OTUD6A: variants seen among roughly 807,000 people sequenced by gnomAD.
OTUD6A encodes the protein OTU deubiquitinase 6A.
For synonymous variants in OTUD6A, 138 were observed against 120.2 expected, an observed-to-expected ratio of 1.15 and a Z score of -0.97; for missense variants, 209 against 268.2, an observed-to-expected ratio of 0.78 and a Z score of 1.54.
At position 70,064,136 on chromosome X, in the gene OTUD6A, G is replaced by A. The variant is rs4844103; in HGVS notation, c.*745G>A. On this transcript the variant is annotated 3_prime_UTR_variant, in exon 1 of 1. Transcript: ENST00000338352. Reference sequence around the variant, plus strand: ...GCGGAGGCTGCAGTGGGCCGGGATCGTACTACTGCACTCCAGCATGGAAGA... The same window carrying A: ...GCGGAGGCTGCAGTGGGCCGGGATCATACTACTGCACTCCAGCATGGAAGA... The A allele has an allele frequency of 0.49, 52,739 of 106,943 alleles. 10,343 individuals carry two copies. Among genetic ancestry groups the A allele is most frequent in the Non-Finnish European group, 0.6 (31,055 of 51,739 alleles). The allele number at this position is 106,943 out of a possible 1,213,427, so 8.8% of individuals were successfully genotyped here.
Position 70,062,739 on chromosome X carries a change from T to C in OTUD6A, c.215T>C (p.Ile72Thr). 3 of 1,209,914 alleles carry C rather than the reference T, an allele frequency of 2.5e-6. No individual in the cohort carries two copies. Among genetic ancestry groups the C allele is most frequent in the Non-Finnish European group, 2.2e-6 (2 of 894,712 alleles). The change falls in exon 1 of 1, where the codon ATT (isoleucine) becomes ACT (threonine). Residue 72 changes from isoleucine to threonine, a missense_variant. Coordinates refer to ENST00000338352, the MANE Select transcript of OTUD6A (RefSeq NM_207320.3). Reference protein sequence around the residue: ...ELEKFQDDSSIESVVEDLAKM... With the variant: ...ELEKFQDDSSTESVVEDLAKM... Reference sequence around the variant, plus strand: ...GAGAAGTTCCAAGACGACAGTAGCATTGAATCTGTCGTCGAAGACCTGGCC... The same window carrying C: ...GAGAAGTTCCAAGACGACAGTAGCACTGAATCTGTCGTCGAAGACCTGGCC...
At position 70,063,386 on chromosome X, in the gene OTUD6A, C is replaced by T. The variant is rs145794018; in HGVS notation, c.862C>T (p.Leu288=). The change falls in exon 1 of 1, where the codon CTG becomes TTG. Residue 288 remains leucine, a synonymous_variant. Coordinates refer to ENST00000338352, the MANE Select transcript of OTUD6A (RefSeq NM_207320.3). ...GAAGGVLPRL[L] is the part of the protein sequence containing the mutation. ...CGCCGGGGGCGTGCTCCCGCGTCTC[C>T]TGTAGGCCCCAAGGCGCTGAGCAGC... The T allele has an allele frequency of 1.9e-4, 225 of 1,185,676 alleles. 1 individual carries two copies. The African/African-American group carries it at 3.6e-3, about 19-fold the overall frequency.
rs1330272429 is a variant in OTUD6A, at chrX:70,063,550, T to G, written c.*159T>G. On this transcript the variant is annotated 3_prime_UTR_variant, in exon 1 of 1. Transcript: ENST00000338352. ...CCCGCCCCCGCTTTCCTAACCTTGC[T>G]GCTTTCACAGGGTGGGAAACGAAAT... The G allele has an allele frequency of 7.1e-6, 5 of 704,362 alleles. No individual in the cohort carries two copies. Among genetic ancestry groups the G allele is most frequent in the Non-Finnish European group, 1.0e-5 (5 of 496,565 alleles). 58.0% of individuals were successfully genotyped at this position (704,362 alleles called of 1,213,427 possible). A position where few individuals can be genotyped will look rare whatever the true frequency, so the allele number is the denominator to read the frequency against.
rs753958994 is a variant in OTUD6A, at chrX:70,063,421, C to T, written c.*30C>T. On this transcript the variant is annotated 3_prime_UTR_variant, in exon 1 of 1. Transcript: ENST00000338352. ...CAAGGCGCTGAGCAGCCCCGGGAAA[C>T]TGTCGCCGTCGCCGCATCTCCTCAG... 2 of 1,143,133 alleles carry T rather than the reference C, an allele frequency of 1.7e-6. No homozygotes were observed. The highest frequency in any genetic ancestry group is 6.2e-5 in the East Asian group (2 of 32,058). The allele number at this position is 1,143,133 out of a possible 1,213,427, so 94.2% of individuals were successfully genotyped here.
Position 70,062,545 on chromosome X carries a change from A to G in OTUD6A, c.21A>G (p.Glu7=). Residue 7 remains glutamate (E), a synonymous_variant, in exon 1 of 1, where the codon GAA becomes GAG. Coordinates refer to ENST00000338352, the MANE Select transcript of OTUD6A (RefSeq NM_207320.3). MDDPKS[E]QQRILRRHQR... is the part of the protein sequence containing the mutation. ...ACATCATGGATGATCCGAAGAGTGA[A>G]CAGCAGCGCATACTGCGCCGCCACC... is the stretch of plus-strand genomic sequence containing the variant. 8.3e-7 allele frequency: 1 copy of G among 1,207,371 alleles called. No individual in the cohort carries two copies. Among genetic ancestry groups the G allele is most frequent in the Non-Finnish European group, 1.1e-6 (1 of 893,681 alleles).
rs1333251724 is a variant in OTUD6A at position 70,063,437 on chromosome X, A to C, written c.*46A>C. On this transcript the variant is annotated 3_prime_UTR_variant, in exon 1 of 1. Coordinates refer to ENST00000338352, the MANE Select transcript of OTUD6A (RefSeq NM_207320.3). ...CCCGGGAAACTGTCGCCGTCGCCGCATCTCCTCAGTAGGCTCAGTTTATTT... is the reference window on the plus strand; with the variant it reads ...CCCGGGAAACTGTCGCCGTCGCCGCCTCTCCTCAGTAGGCTCAGTTTATTT... 8.9e-7 allele frequency: 1 copy of C among 1,118,706 alleles called. No homozygotes were observed. Among genetic ancestry groups the C allele is most frequent in the African/African-American group, 1.8e-5 (1 of 54,512 alleles). The allele number at this position is 1,118,706 out of a possible 1,213,427, so 92.2% of individuals were successfully genotyped here.
chrX:70,063,166 G>A lies in OTUD6A; in HGVS notation c.642G>A (p.Thr214=). The change falls in exon 1 of 1, where the codon ACG becomes ACA. Residue 214 remains threonine (T), a synonymous_variant. Coordinates refer to ENST00000338352, the MANE Select transcript of OTUD6A (RefSeq NM_207320.3). ...MIYCDNIVRT[T]AWGGQLELRA... is the part of the protein sequence containing the mutation. ...ACTGCGACAACATCGTGCGCACCAC[G>A]GCATGGGGAGGCCAGCTGGAGCTGA... 4 of 1,211,257 alleles carry A rather than the reference G, an allele frequency of 3.3e-6. No individual in the cohort carries two copies. The highest frequency in any genetic ancestry group is 3.0e-5 in the East Asian group (1 of 33,818).
In OTUD6A at chrX:70,062,566, C is replaced by T; in HGVS notation, c.42C>T (p.Arg14=). ...PKSEQQRILR[R]HQRERQELQA... is the part of the protein sequence containing the mutation. ...GTGAACAGCAGCGCATACTGCGCCG[C>T]CACCAACGCGAGAGGCAGGAGCTGC... Residue 14 remains arginine, a synonymous_variant, in exon 1 of 1, where the codon CGC becomes CGT. Transcript: ENST00000338352. The T allele has an allele frequency of 8.3e-7, 1 of 1,209,304 alleles. No individual in the cohort carries two copies. Among genetic ancestry groups the T allele is most frequent in the Non-Finnish European group, 1.1e-6 (1 of 894,274 alleles).
chrX:70,063,149 A>G lies in OTUD6A; in HGVS notation c.625A>G (p.Asn209Asp). 1 of 1,211,294 alleles carries G rather than the reference A, an allele frequency of 8.3e-7. No homozygotes were observed. Among genetic ancestry groups the G allele is most frequent in the Non-Finnish European group, 1.1e-6 (1 of 895,485 alleles). The change falls in exon 1 of 1, where the codon AAC becomes GAC. Residue 209 changes from asparagine (N) to aspartate (D), a missense_variant. Asn to Asp is a conservative substitution (Grantham distance 23). Coordinates refer to ENST00000338352, the MANE Select transcript of OTUD6A (RefSeq NM_207320.3). The stretch of plus-strand genomic sequence containing the variant: ...CGACGACTTCATGATCTACTGCGAC[A>G]ACATCGTGCGCACCACGGCATGGGG... ...GYDDFMIYCDNIVRTTAWGGQ... is the reference protein window; with the variant it reads ...GYDDFMIYCDDIVRTTAWGGQ...
chrX:70,063,211 G>T lies in OTUD6A; in HGVS notation c.687G>T (p.Leu229=). 8.3e-7 allele frequency: 1 copy of T among 1,211,687 alleles called. No homozygotes were observed. Residue 229 remains leucine (L), a synonymous_variant, in exon 1 of 1, where the codon CTG becomes CTT. Coordinates refer to ENST00000338352, the MANE Select transcript of OTUD6A (RefSeq NM_207320.3). The stretch of plus-strand genomic sequence containing the variant: ...AGCTGAGGGCCCTGTCGCACGTCCT[G>T]AAGACCCCCATCGAGGTGATCCAGG... ...QLELRALSHV[L]KTPIEVIQAD...
chrX:70,063,046 C>T lies in OTUD6A; in HGVS notation c.522C>T (p.Thr174=), dbSNP rs745839406. The change falls in exon 1 of 1, where the codon ACC becomes ACT. Residue 174 remains threonine, a synonymous_variant. Coordinates refer to ENST00000338352, the MANE Select transcript of OTUD6A (RefSeq NM_207320.3). ...CTGTGGAGATGCTGCGCTGCCGCAC[C>T]GCCAGCTACATGAAGAAGCACGTCG... ...SVSVEMLRCR[T]ASYMKKHVDE... is the part of the protein sequence containing the mutation. 15 of 1,210,350 alleles carry T rather than the reference C, an allele frequency of 1.2e-5. No homozygotes were observed. The highest frequency in any genetic ancestry group is 5.9e-5 in the East Asian group (2 of 33,764).
Position 70,063,251 on chromosome X carries a change from T to C in OTUD6A, c.727T>C (p.Leu243=). 2.5e-6 allele frequency: 3 copies of C among 1,211,475 alleles called. No individual in the cohort carries two copies. Among genetic ancestry groups the C allele is most frequent in the Non-Finnish European group, 3.3e-6 (3 of 895,534 alleles). Reference sequence around the variant, plus strand: ...GGTGATCCAGGCCGACTCGCCCACCTTGATCATCGGGGAGGAGTACGTCAA... The same window carrying C: ...GGTGATCCAGGCCGACTCGCCCACCCTGATCATCGGGGAGGAGTACGTCAA... ...IEVIQADSPT[L]IIGEEYVKKP... The change falls in exon 1 of 1, where the codon TTG becomes CTG. Residue 243 remains leucine (L), a synonymous_variant. Transcript: ENST00000338352.
In OTUD6A at chrX:70,063,659, C is replaced by G. The variant is rs1218317139; in HGVS notation, c.*268C>G. 1.1e-5 allele frequency: 4 copies of G among 351,419 alleles called. No homozygotes were observed. The East Asian group carries it at 1.9e-4, about 16-fold the overall frequency. 29.0% of individuals were successfully genotyped at this position (351,419 alleles called of 1,213,427 possible). On this transcript the variant is annotated 3_prime_UTR_variant, in exon 1 of 1. Transcript: ENST00000338352. ...ATAAATTTGAAAGTTCTAACCTCTTCTTGCCCTTAAGGGTCTTTTACCTCC... is the reference window on the plus strand; with the variant it reads ...ATAAATTTGAAAGTTCTAACCTCTTGTTGCCCTTAAGGGTCTTTTACCTCC...
In OTUD6A at chrX:70,062,786, C is replaced by G. The variant is rs199784490; in HGVS notation, c.262C>G (p.Pro88Ala). The change falls in exon 1 of 1, where the codon CCT (proline) becomes GCT (alanine). Residue 88 changes from proline (P) to alanine (A), a missense_variant. By Grantham distance (27) the Pro-to-Ala change is conservative. Transcript: ENST00000338352. ...GGCCAAGATGAATCTGGAAAACCGG[C>G]CTCCCCGCTCCTCCAAAGCCCACAG... ...DLAKMNLENR[P>A]PRSSKAHRKR... 8.3e-7 allele frequency: 1 copy of G among 1,205,394 alleles called. No individual in the cohort carries two copies. Among genetic ancestry groups the G allele is most frequent in the East Asian group, 3.0e-5 (1 of 33,452 alleles).
In OTUD6A at chrX:70,063,624, C is replaced by G. The variant is rs2020462695; in HGVS notation, c.*233C>G. 1 of 408,540 alleles carries G rather than the reference C, an allele frequency of 2.4e-6. No homozygotes were observed. Among genetic ancestry groups the G allele is most frequent in the Non-Finnish European group, 4.2e-6 (1 of 237,325 alleles). 33.7% of individuals were successfully genotyped at this position (408,540 alleles called of 1,213,427 possible). On this transcript the variant is annotated 3_prime_UTR_variant, in exon 1 of 1. Coordinates refer to ENST00000338352, the MANE Select transcript of OTUD6A (RefSeq NM_207320.3). ...TGAGGGAAATCTCTGCATTGCACCA[C>G]CAGAGGGGCATAAATTTGAAAGTTC... is the stretch of plus-strand genomic sequence containing the variant.
In OTUD6A at chrX:70,063,488, C is replaced by T; in HGVS notation, c.*97C>T. On this transcript the variant is annotated 3_prime_UTR_variant, in exon 1 of 1. Transcript: ENST00000338352. ...TCCCCTTTTGCTTTTCTCTGTTTTT[C>T]TTTTCCTTCCTTTTAATCAAAACTA... The T allele has an allele frequency of 1.0e-6, 1 of 983,683 alleles. No individual in the cohort carries two copies. 81.1% of individuals were successfully genotyped at this position (983,683 alleles called of 1,213,427 possible).
chrX:70,063,441 C>T lies in OTUD6A; in HGVS notation c.*50C>T, dbSNP rs1184289189. 1 of 1,099,458 alleles carries T rather than the reference C, an allele frequency of 9.1e-7. No homozygotes were observed. The highest frequency in any genetic ancestry group is 2.3e-5 in the South Asian group (1 of 43,603). 90.6% of individuals were successfully genotyped at this position (1,099,458 alleles called of 1,213,427 possible). A position where few individuals can be genotyped will look rare whatever the true frequency, so the allele number is the denominator to read the frequency against. On this transcript the variant is annotated 3_prime_UTR_variant, in exon 1 of 1. Coordinates refer to ENST00000338352, the MANE Select transcript of OTUD6A (RefSeq NM_207320.3). ...GGAAACTGTCGCCGTCGCCGCATCTCCTCAGTAGGCTCAGTTTATTTTCCC... is the reference window on the plus strand; with the variant it reads ...GGAAACTGTCGCCGTCGCCGCATCTTCTCAGTAGGCTCAGTTTATTTTCCC...
chrX:70,063,549 C>G lies in OTUD6A; in HGVS notation c.*158C>G. The G allele has an allele frequency of 1.4e-6, 1 of 714,110 alleles. No homozygotes were observed. Among genetic ancestry groups the G allele is most frequent in the Non-Finnish European group, 2.0e-6 (1 of 505,146 alleles). 58.9% of individuals were successfully genotyped at this position (714,110 alleles called of 1,213,427 possible). On this transcript the variant is annotated 3_prime_UTR_variant, in exon 1 of 1. Transcript: ENST00000338352. ...CCCCGCCCCCGCTTTCCTAACCTTGCTGCTTTCACAGGGTGGGAAACGAAA... is the reference window on the plus strand; with the variant it reads ...CCCCGCCCCCGCTTTCCTAACCTTGGTGCTTTCACAGGGTGGGAAACGAAA...
Position 70,062,725 on chromosome X carries a change from AGAC to A in OTUD6A, c.205_207del (p.Asp69del). ...ACCGGCAGGAGCTGGAGAAGTTCCA[AGAC>A]GACAGTAGCATTGAATCTGTCGTCG... is the stretch of plus-strand genomic sequence containing the variant. On this transcript the variant is annotated inframe_deletion, in exon 1 of 1. Coordinates refer to ENST00000338352, the MANE Select transcript of OTUD6A (RefSeq NM_207320.3). 1 of 1,210,617 alleles carries A rather than the reference AGAC, an allele frequency of 8.3e-7. No homozygotes were observed. The highest frequency in any genetic ancestry group is 1.8e-5 in the South Asian group (1 of 56,656).
Sources: gnomAD v4.1 joint callset for allele counts on GRCh38, gnomAD v4.1.1 for gene constraint, MANE v1.5 for transcripts, NCBI Gene and HGNC (gene_info 2026-07-23, HGNC 2026-07-21) for gene names.